Variants in PFKM observed in about 807,000 individuals in gnomAD.
The protein encoded by PFKM is ATP-dependent 6-phosphofructokinase, muscle type.
PFKM carries 58 observed loss-of-function variants against 95.5 expected under a neutral mutation model. The ratio of observed to expected loss-of-function variants is 0.61; its 90% CI spans 0.49 to 0.76. PFKM has a LOEUF of 0.76. Among genes scored for constraint, PFKM ranks in the 30% least tolerant of loss-of-function variants. The pLI is 0.00. For synonymous variants in PFKM, 336 were observed against 357.2 expected (o/e 0.94, Z 0.67); for missense variants, 678 against 1,005.4 (o/e 0.67, Z 4.40).
chr12:48,127,581 A>G (rs1449187318), intron 2 of PFKM, among the ~76,000 whole-genome samples: 1 of 152,058 alleles, frequency 6.6e-6, no homozygotes, highest in Non-Finnish European at 1.5e-5. Flanking sequence ...TCTGTCCAGT[A>G]TTTTGTTTTG....
upstream of PFKM, chr12:48,119,326 C>T (rs1947948106): frequency 1.0e-6 from 1 of 983,270 alleles, no homozygotes. Flanking sequence ...GGCTCCTCCC[C>T]ATGTTCGTCC....
intron 15 of PFKM, 45 bp downstream of exon 15, chr12:48,141,426 G>A: frequency 6.5e-7 from 1 of 1,547,400 alleles, no homozygotes; most frequent in Non-Finnish European, 8.9e-7. Flanking sequence ...ACCTCTTAAA[G>A]TTGCCCTTGG....
chr12:48,129,642 G>T (rs1200426660), intron 2 of PFKM, among the ~76,000 whole-genome samples: 1 of 152,212 alleles, frequency 6.6e-6, no homozygotes, highest in African/African-American at 2.4e-5. Flanking sequence ...CACAAAAAAG[G>T]GGGGTGTGTG....
chr12:48,107,926 A>C, intron 2 of PFKM: 1 of 670,046 alleles, frequency 1.5e-6, no homozygotes, highest in Non-Finnish European at 2.5e-6. Flanking sequence ...AATCTTTTTG[A>C]GGTACATCGC....
upstream of PFKM, among the ~76,000 whole-genome samples, chr12:48,115,297 A>T (rs1451679305): frequency 1.3e-5 from 2 of 152,240 alleles, no homozygotes; most frequent in African/African-American, 4.8e-5. Flanking sequence ...TTGTGTGAGC[A>T]ACGAGGCTGT....
chr12:48,121,639 T>G (rs1948288343), intron 1 of PFKM, among the ~76,000 whole-genome samples: 2 of 152,292 alleles, frequency 1.3e-5, no homozygotes, highest in Middle Eastern at 3.4e-3. Context: ...ACATCTCCAC[T>G]GAAGCCTAGG....
Position 48,139,856 on chromosome 12 carries a change from A to C in PFKM, c.1135A>C (p.Met379Leu). ...TATTTGTACTTCCTACAGGAGCTTC[A>C]TGAACAACTGGGAGGTGTACAAGCT... Reference protein sequence around the residue: ...EALKLRGRSFMNNWEVYKLLA... With the variant: ...EALKLRGRSFLNNWEVYKLLA... The change falls in exon 13 of 23, where the codon ATG (methionine) becomes CTG (leucine). Residue 379 changes from methionine to leucine, a missense_variant. Coordinates refer to ENST00000359794, the MANE Select transcript of PFKM (RefSeq NM_000289.6). The C allele has an allele frequency of 6.2e-7, 1 of 1,610,018 alleles. No individual in the cohort carries two copies. Among genetic ancestry groups the C allele is most frequent in the Non-Finnish European group, 8.5e-7 (1 of 1,176,266 alleles).
chr12:48,137,995 G>A (rs1234424535), intron 11 of PFKM, 149 bp downstream of exon 11: 2 of 850,966 alleles, frequency 2.4e-6, no homozygotes, highest in Non-Finnish European at 3.9e-6. Flanking sequence ...AAAGAACACA[G>A]TGGGCTTTGC....
Position 48,133,487 on chromosome 12 carries a change from G to T in PFKM, c.593+7G>T, listed in dbSNP as rs961409499. The T allele has an allele frequency of 6.2e-7, 1 of 1,612,620 alleles. No homozygotes were observed. Among genetic ancestry groups the T allele is most frequent in the Non-Finnish European group, 8.5e-7 (1 of 1,178,720 alleles). ...TCACTACCACTGCCCAGAGGTAAGGGGACTTGGGAGGTAGGCAGTGTAAGA... is the reference window on the plus strand; with the variant it reads ...TCACTACCACTGCCCAGAGGTAAGGTGACTTGGGAGGTAGGCAGTGTAAGA... On this transcript the variant is annotated splice_region_variant and intron_variant, in intron 6 of 22. Coordinates refer to ENST00000359794, the MANE Select transcript of PFKM (RefSeq NM_000289.6).
At chr12:48,142,713 A>G in intron 17 of PFKM, 69 bp from the exon 18 acceptor site, 2 of 1,406,416 alleles carry the variant, frequency 1.4e-6, no homozygotes, top group Non-Finnish European at 2.0e-6. Flanking sequence ...ATTAATGGCA[A>G]AGATTAAAGA....
intron 6 of PFKM, 123 bp downstream of exon 6, chr12:48,133,603 C>A: frequency 1.2e-6 from 1 of 825,516 alleles, no homozygotes; most frequent in Non-Finnish European, 2.0e-6. Flanking sequence ...TTTTCTGGGG[C>A]TAGAACACTA....
chr12:48,137,449 T>G, intron 10 of PFKM: 2 of 516,002 alleles, frequency 3.9e-6, no homozygotes, highest in Non-Finnish European at 3.5e-6. Context: ...GGAATATTAT[T>G]AAGCCCCAGT....
chr12:48,130,471 T>A (rs375778366), intron 3 of PFKM, 35 bp downstream of exon 3: 15 of 1,467,266 alleles, frequency 1.0e-5, no homozygotes, highest in Non-Finnish European at 1.4e-5. Context: ...TCATTCTTTC[T>A]CTGTCTTCTT....
At chr12:48,137,928 G>A (rs1418028570) in intron 11 of PFKM, 82 bp downstream of exon 11, 5 of 1,486,712 alleles carry the variant, frequency 3.4e-6, no homozygotes, top group Non-Finnish European at 3.8e-6. Context: ...TATGTCTAAG[G>A]CCACTGGTAT....
At chr12:48,111,570 G>A (rs998509318) in intron 3 of PFKM, among the ~76,000 whole-genome samples, 30 of 152,148 alleles carry the variant, frequency 2.0e-4, no homozygotes, top group Non-Finnish European at 3.7e-4. Context: ...GTAGTGGAGC[G>A]GGGAAGATCA....
At chr12:48,133,597 C>T (rs1485034412) in intron 6 of PFKM, 117 bp downstream of exon 6, 1 of 900,772 alleles carries the variant, frequency 1.1e-6, no homozygotes, top group African/African-American at 1.6e-5. Context: ...GGCCAGTTTT[C>T]TGGGGCTAGA....
rs1358323738 is a variant in PFKM, at chr12:48,142,726, G to A, written c.1654-56G>A. The A allele has an allele frequency of 1.8e-5, 27 of 1,477,926 alleles. No homozygotes were observed. The South Asian group carries it at 2.8e-4, about 15-fold the overall frequency. 91.6% of individuals were successfully genotyped at this position (1,477,926 alleles called of 1,614,324 possible). ...TAATTAATGGCAAAGATTAAAGAGT[G>A]ATAAGAATCAGGCCCCTGATCATGT... On this transcript the variant is annotated intron_variant, in intron 17 of 22. Coordinates refer to ENST00000359794, the MANE Select transcript of PFKM (RefSeq NM_000289.6).
chr12:48,137,842 A>G lies in PFKM; in HGVS notation c.1058A>G (p.Gln353Arg). Residue 353 changes from glutamine to arginine, a missense_variant, in exon 11 of 23, where the codon CAG (glutamine) becomes CGG (arginine). Transcript: ENST00000359794. ...AVRLPLMECV[Q>R]VTKDVTKAMD... ...CGCCTGCCCCTCATGGAATGTGTCC[A>G]GGTGGTAAGTACTGATCCTAAACCC... 6.2e-7 allele frequency: 1 copy of G among 1,614,172 alleles called. No homozygotes were observed. The highest frequency in any genetic ancestry group is 2.2e-5 in the East Asian group (1 of 44,872).
At chr12:48,123,934 T>C (rs1191964731) in intron 2 of PFKM, among the ~76,000 whole-genome samples, 2 of 152,220 alleles carry the variant, frequency 1.3e-5, no homozygotes, top group African/African-American at 4.8e-5. Flanking sequence ...TTCAAGACAC[T>C]GAACTCTTTA....
Sources: gnomAD v4.1 joint callset for allele counts (sites outside exome capture counted in the v4.1 genomes callset) on GRCh38, gnomAD v4.1.1 for gene constraint, MANE v1.5 for transcripts, NCBI Gene and HGNC (gene_info 2026-07-23, HGNC 2026-07-21) for gene names.